FGGY: variants seen among roughly 807,000 people sequenced by gnomAD.
FGGY encodes FGGY carbohydrate kinase domain containing.
FGGY carries 72 observed loss-of-function variants against 71.3 expected under a neutral mutation model. That is an observed-to-expected ratio of 1.01 (90% CI 0.84 to 1.23). FGGY has a LOEUF of 1.23. Ranked by LOEUF, FGGY falls within the 50% of genes most tolerant of loss-of-function variation. FGGY has a pLI of 0.00. For missense variants in FGGY, 668 were observed against 682.3 expected (o/e 0.98, Z 0.23); for synonymous variants, 251 against 250.3 (o/e 1.00, Z -0.02).
chr1:59,758,116 A>G, intron 15 of FGGY, 124 bp downstream of exon 15: 1 of 622,020 alleles, frequency 1.6e-6, no homozygotes, highest in Non-Finnish European at 2.6e-6. Flanking sequence ...TGTGGTTAAG[A>G]AAACTAAGTT....
intron 14 of FGGY, among the ~76,000 whole-genome samples, chr1:59,737,210 G>A (rs533013109): frequency 6.6e-6 from 1 of 152,350 alleles, no homozygotes; most frequent in African/African-American, 2.4e-5. Flanking sequence ...TTTGCTGCAG[G>A]GACAGGGTCC....
chr1:59,602,293 T>C (rs2096585767), intron 8 of FGGY, among the ~76,000 whole-genome samples: 1 of 152,200 alleles, frequency 6.6e-6, no homozygotes, highest in African/African-American at 2.4e-5. Flanking sequence ...GTAAATATAA[T>C]AATAGGACCT....
chr1:59,314,153 G>GAAAATAATTTTAGTTATTTTTAGTAAC (rs2044946621), intron 1 of FGGY, among the ~76,000 whole-genome samples: 1 of 152,136 alleles, frequency 6.6e-6, no homozygotes, highest in Non-Finnish European at 1.5e-5. Context: ...TTTTAGTAGA[G>GAAAATAATTTTAGTTATTTTTAGTAAC]ACGGGGTTTC....
intron 14 of FGGY, among the ~76,000 whole-genome samples, chr1:59,696,875 A>C (rs1179204269): frequency 1.3e-5 from 2 of 152,198 alleles, no homozygotes; most frequent in African/African-American, 4.8e-5. Context: ...CTCTTTTTAC[A>C]GATGAGGAAG....
At chr1:59,354,344 G>C (rs138817956) in intron 4 of FGGY, among the ~76,000 whole-genome samples, 3,722 of 152,276 alleles carry the variant, frequency 0.024, 176 homozygotes, top group African/African-American at 0.086. Flanking sequence ...CTCCCAGAGT[G>C]CTGGGATTAC....
In FGGY at chr1:59,511,328, G is replaced by C. The variant is rs137876317; in HGVS notation, c.671-983G>C. Among the ~76,000 whole-genome samples the C allele has an allele frequency of 3.9e-5, 6 of 152,186 alleles. No homozygotes were observed. In the East Asian group the frequency reaches 1.2e-3, roughly 29 times the overall value. On this transcript the variant is annotated intron_variant, in intron 6 of 15. Coordinates refer to ENST00000303721, the MANE Select transcript of FGGY (RefSeq NM_018291.5). ...GGAACAATTAACAAGTGGCATCTTAGCACTCAAAAATTGCTGATTATGCAC... is the reference window on the plus strand; with the variant it reads ...GGAACAATTAACAAGTGGCATCTTACCACTCAAAAATTGCTGATTATGCAC...
intron 7 of FGGY, among the ~76,000 whole-genome samples, chr1:59,546,642 G>A (rs1296512559): frequency 1.3e-5 from 2 of 151,778 alleles, no homozygotes; most frequent in East Asian, 3.9e-4. Context: ...TGCTTCCCAG[G>A]TTCACGCCAT....
intron 6 of FGGY, among the ~76,000 whole-genome samples, chr1:59,465,310 A>G (rs888765705): frequency 2.6e-5 from 4 of 151,970 alleles, no homozygotes; most frequent in African/African-American, 9.7e-5. Flanking sequence ...ATTTAACAGT[A>G]CATAATGCTA....
intron 2 of FGGY, among the ~76,000 whole-genome samples, chr1:59,327,328 A>G (rs936236868): frequency 6.6e-6 from 1 of 152,204 alleles, no homozygotes; most frequent in Non-Finnish European, 1.5e-5. Flanking sequence ...CATTGTTCAT[A>G]TCATCTTTAT....
At chr1:59,579,599 T>C (rs927756969) in intron 8 of FGGY, among the ~76,000 whole-genome samples, 5 of 152,144 alleles carry the variant, frequency 3.3e-5, no homozygotes, top group Non-Finnish European at 5.9e-5. Context: ...TCCCTCTCTT[T>C]TTCTCATATT....
At chr1:59,607,740 G>A in intron 8 of FGGY, 63 bp from the exon 9 acceptor site, 3 of 1,296,428 alleles carry the variant, frequency 2.3e-6, no homozygotes, top group Non-Finnish European at 3.3e-6. Flanking sequence ...AATATTAGGA[G>A]GAGAACCCTT....
chr1:59,634,788 T>G (rs946018100), intron 10 of FGGY, among the ~76,000 whole-genome samples: 1 of 152,230 alleles, frequency 6.6e-6, no homozygotes, highest in Non-Finnish European at 1.5e-5. Flanking sequence ...GGGCTCTATG[T>G]TTAATCTTCA....
intron 7 of FGGY, among the ~76,000 whole-genome samples, chr1:59,537,282 A>G (rs912860540): frequency 6.6e-6 from 1 of 152,076 alleles, no homozygotes; most frequent in Admixed American, 6.5e-5. Flanking sequence ...TAGGAATCCA[A>G]CTTACAAGGG....
chr1:59,346,495 T>C, intron 4 of FGGY, 97 bp downstream of exon 4: 1 of 1,401,454 alleles, frequency 7.1e-7, no homozygotes, highest in Non-Finnish European at 9.7e-7. Flanking sequence ...AAATCGGTTA[T>C]GTTTGATTTT....
intron 6 of FGGY, among the ~76,000 whole-genome samples, chr1:59,497,936 C>T (rs1260944831): frequency 1.3e-5 from 2 of 152,146 alleles, no homozygotes; most frequent in East Asian, 3.9e-4. Flanking sequence ...TGATTTTTGC[C>T]AGGCAGCATA....
intron 8 of FGGY, among the ~76,000 whole-genome samples, chr1:59,589,276 G>A (rs1351064193): frequency 3.3e-5 from 5 of 152,190 alleles, no homozygotes; most frequent in African/African-American, 1.2e-4. Context: ...GGAGCACGCA[G>A]TTTCATAATG....
At chr1:59,676,429 A>C (rs1301645533) in intron 14 of FGGY, among the ~76,000 whole-genome samples, 3 of 151,684 alleles carry the variant, frequency 2.0e-5, no homozygotes, top group Admixed American at 2.0e-4. Context: ...GCCATAGGTC[A>C]CAAATCAGGA....
chr1:59,505,376 T>A (rs1000763371), intron 6 of FGGY, among the ~76,000 whole-genome samples: 2 of 152,166 alleles, frequency 1.3e-5, no homozygotes, highest in African/African-American at 2.4e-5. Flanking sequence ...TATCATAAAG[T>A]TTTGTTTCCC....
intron 5 of FGGY, among the ~76,000 whole-genome samples, chr1:59,391,313 A>G (rs574821736): frequency 6.6e-6 from 1 of 152,098 alleles, no homozygotes; most frequent in Non-Finnish European, 1.5e-5. Context: ...AGGGCGAGAG[A>G]GGATGAAGCA....
Sources: allele counts gnomAD v4.1 joint callset (sites outside exome capture counted in the v4.1 genomes callset), GRCh38; gene constraint gnomAD v4.1.1; transcripts MANE v1.5; gene names NCBI Gene and HGNC (gene_info 2026-07-23, HGNC 2026-07-21).